The following ARSJ variants were observed in gnomAD, a reference collection of about 807,000 sequenced individuals.
The protein encoded by ARSJ is arylsulfatase J.
In ARSJ, 26 loss-of-function variants were observed where a neutral mutation model predicts 35.9. The ratio of observed to expected loss-of-function variants is 0.72; its 90% CI spans 0.53 to 1.00. ARSJ has a LOEUF of 1.00. Ranked by LOEUF, ARSJ falls within the 50% of genes least tolerant of loss-of-function variation. ARSJ has a pLI of 0.00. For synonymous variants in ARSJ, 294 were observed against 267.6 expected (o/e 1.10, Z -0.96); for missense variants, 667 against 723.6 (o/e 0.92, Z 0.90).
At chr4:113,950,574 G>A (rs11724381) in intron 1 of ARSJ, among the ~76,000 whole-genome samples, 3 of 151,820 alleles carry the variant, frequency 2.0e-5, no homozygotes, top group Non-Finnish European at 4.4e-5. Flanking sequence ...AATATAAGAT[G>A]AGGGAAAGGG....
intron 1 of ARSJ, among the ~76,000 whole-genome samples, chr4:113,942,569 G>A (rs1725222416): frequency 6.6e-6 from 1 of 152,080 alleles, no homozygotes; most frequent in East Asian, 1.9e-4. Flanking sequence ...TGCCATCTCT[G>A]TCATGGACTT....
In ARSJ at chr4:113,941,429, T is replaced by G. The variant is rs142286023; in HGVS notation, c.398+37008A>C. Among the ~76,000 whole-genome samples, 583 of 152,146 alleles carry G rather than the reference T, an allele frequency of 3.8e-3. 3 individuals are homozygous for G. The highest frequency in any genetic ancestry group is 5.9e-3 in the Non-Finnish European group (402 of 67,954). ...ATCTACTAGGAATTTAATAGGAGAA[T>G]GCAAAGATGAGGAGGCATGGCATAT... On this transcript the variant is annotated intron_variant, in intron 1 of 1. Transcript: ENST00000315366.
intron 1 of ARSJ, among the ~76,000 whole-genome samples, chr4:113,936,458 A>G (rs1016949049): frequency 1.3e-5 from 2 of 151,960 alleles, no homozygotes; most frequent in East Asian, 1.9e-4. Context: ...TAAGCCATCA[A>G]GACAGAAAAA....
chr4:113,903,562 G>A lies in ARSJ; in HGVS notation c.512C>T (p.Thr171Met), dbSNP rs746575851. Residue 171 changes from threonine to methionine, a missense_variant, in exon 2 of 2, where the codon ACG becomes ATG. Thr to Met is a moderately conservative substitution (Grantham distance 81). Transcript: ENST00000315366. The stretch of plus-strand genomic sequence containing the variant: ...CAAGTGCCATTTTCCGACCATATGC[G>A]TTGAATATCCAACCTCCTTCAGTTT... Reference protein sequence around the residue: ...PQKLKEVGYSTHMVGKWHLGF... With the variant: ...PQKLKEVGYSMHMVGKWHLGF... The A allele has an allele frequency of 6.2e-6, 10 of 1,614,036 alleles. No homozygotes were observed. Among genetic ancestry groups the A allele is most frequent in the South Asian group, 3.3e-5 (3 of 91,086 alleles).
intron 1 of ARSJ, among the ~76,000 whole-genome samples, chr4:113,907,016 C>T (rs2099668948): frequency 6.6e-6 from 1 of 152,150 alleles, no homozygotes; most frequent in African/African-American, 2.4e-5. Flanking sequence ...TTGTGGTTTT[C>T]TCCCCAGCAC....
chr4:113,951,183 T>C (rs2149275236), intron 1 of ARSJ, among the ~76,000 whole-genome samples: 1 of 152,184 alleles, frequency 6.6e-6, no homozygotes, highest in Non-Finnish European at 1.5e-5. Flanking sequence ...GACAGCTCAT[T>C]TTATTTCTGA....
chr4:113,966,351 T>TA (rs11421008), intron 1 of ARSJ, among the ~76,000 whole-genome samples: 150,170 of 152,080 alleles, frequency 0.99, 74,166 homozygotes, highest in East Asian at 1. Context: ...TTAGTAGAGA[T>TA]AAAAAATGAC....
intron 1 of ARSJ, among the ~76,000 whole-genome samples, chr4:113,961,917 G>C (rs982710898): frequency 1.2e-4 from 16 of 136,426 alleles, no homozygotes; most frequent in African/African-American, 3.5e-4. Flanking sequence ...GTGTGTGTGT[G>C]TGTGTGTGTG....
chr4:113,951,653 A>G (rs930511601), intron 1 of ARSJ, among the ~76,000 whole-genome samples: 1 of 152,050 alleles, frequency 6.6e-6, no homozygotes, highest in African/African-American at 2.4e-5. Context: ...AGAGGAGTTT[A>G]TTTTATGAAT....
At chr4:113,952,436 C>T (rs985940526) in intron 1 of ARSJ, among the ~76,000 whole-genome samples, 1 of 152,026 alleles carries the variant, frequency 6.6e-6, no homozygotes, top group Non-Finnish European at 1.5e-5. Flanking sequence ...CTTCCATATC[C>T]TTGCTTTTTA....
At chr4:113,922,232 C>T (rs528779612) in intron 1 of ARSJ, among the ~76,000 whole-genome samples, 60 of 152,184 alleles carry the variant, frequency 3.9e-4, no homozygotes, top group Middle Eastern at 3.4e-3. Context: ...TGCTGAAATT[C>T]GTGGTGTGAA....
intron 1 of ARSJ, among the ~76,000 whole-genome samples, chr4:113,917,135 G>T (rs1723360745): frequency 6.6e-6 from 1 of 152,112 alleles, no homozygotes; most frequent in South Asian, 2.1e-4. Flanking sequence ...TTTCTCAGCT[G>T]ATTGTATTCT....
chr4:113,949,011 A>C (rs1404958201), intron 1 of ARSJ, among the ~76,000 whole-genome samples: 1 of 152,116 alleles, frequency 6.6e-6, no homozygotes, highest in Non-Finnish European at 1.5e-5. Flanking sequence ...AAGCAGCTAT[A>C]AAAAAAGAAT....
chr4:113,930,069 G>A (rs747466996), intron 1 of ARSJ, among the ~76,000 whole-genome samples: 20 of 152,120 alleles, frequency 1.3e-4, no homozygotes, highest in Non-Finnish European at 2.5e-4. Flanking sequence ...CCCAAAACCA[G>A]TGAAAGAACT....
Position 113,903,312 on chromosome 4 carries a change from G to A in ARSJ, c.762C>T (p.Asn254=). ...QRVQQILASH[N]PTKPIFLYIA... is the part of the protein sequence containing the mutation. ...TATATAAAAATATAGGCTTTGTGGG[G>A]TTATGGGAAGCTAAGATTTGCTGTA... The change falls in exon 2 of 2, where the codon AAC becomes AAT. Residue 254 remains asparagine, a synonymous_variant. Coordinates refer to ENST00000315366, the MANE Select transcript of ARSJ (RefSeq NM_024590.4). 1.2e-6 allele frequency: 2 copies of A among 1,614,170 alleles called. No individual in the cohort carries two copies. Among genetic ancestry groups the A allele is most frequent in the Non-Finnish European group, 1.7e-6 (2 of 1,180,014 alleles).
intron 1 of ARSJ, among the ~76,000 whole-genome samples, chr4:113,938,142 A>C (rs1477035281): frequency 6.6e-6 from 1 of 152,126 alleles, no homozygotes; most frequent in African/African-American, 2.4e-5. Flanking sequence ...AAACTATACT[A>C]TGAGGATACA....
intron 1 of ARSJ, among the ~76,000 whole-genome samples, chr4:113,962,154 A>G (rs1161794172): frequency 6.6e-6 from 1 of 152,038 alleles, no homozygotes; most frequent in East Asian, 1.9e-4. Context: ...CACCCAGTTC[A>G]TTCAACTCTG....
At position 113,928,136 on chromosome 4, in the gene ARSJ, G is replaced by A. The variant is rs1048112145; in HGVS notation, c.399-24461C>T. ...CATTCATAAGCCCCTACTTTAACTG[G>A]AGGACCACAATGATGTTTGGGTTCC... On this transcript the variant is annotated intron_variant, in intron 1 of 1. Coordinates refer to ENST00000315366, the MANE Select transcript of ARSJ (RefSeq NM_024590.4). 2.4e-4 allele frequency among the ~76,000 whole-genome samples: 37 copies of A among 152,096 alleles called. 1 individual carries two copies. The highest frequency in any genetic ancestry group is 7.4e-5 in the Non-Finnish European group (5 of 68,022).
chr4:113,975,877 A>G (rs1226298654), intron 1 of ARSJ, among the ~76,000 whole-genome samples: 2 of 152,146 alleles, frequency 1.3e-5, no homozygotes, highest in East Asian at 3.9e-4. Context: ...CGGACCTACC[A>G]AAGCTGAAGG....
Sources: allele counts gnomAD v4.1 joint callset (sites outside exome capture counted in the v4.1 genomes callset), GRCh38; gene constraint gnomAD v4.1.1; transcripts MANE v1.5; gene names NCBI Gene and HGNC (gene_info 2026-07-23, HGNC 2026-07-21).